The following CAMKMT variants were observed in gnomAD, a reference collection of about 807,000 sequenced individuals.
The protein encoded by CAMKMT is CaM KMT.
CAMKMT carries 53 observed loss-of-function variants against 48.0 expected under a neutral mutation model. The ratio of observed to expected loss-of-function variants is 1.10; its 90% confidence interval spans 0.89 to 1.39. The LOEUF (loss-of-function observed/expected upper bound fraction) is 1.39. CAMKMT is among the 40% of genes most tolerant of loss of function. CAMKMT has a pLI of 0.00. For missense variants in CAMKMT, 428 were observed against 402.7 expected (o/e 1.06, Z -0.54); for synonymous variants, 165 against 152.3 (o/e 1.08, Z -0.61).
At chr2:44,487,876 G>T (rs1372585427) in intron 3 of CAMKMT, among the ~76,000 whole-genome samples, 8 of 152,244 alleles carry the variant, frequency 5.3e-5, no homozygotes, top group Non-Finnish European at 1.2e-4. Flanking sequence ...AAGTAATTCT[G>T]CTTCAAGCAG....
chr2:44,732,409 G>C (rs1164584866), intron 7 of CAMKMT, among the ~76,000 whole-genome samples: 2 of 152,188 alleles, frequency 1.3e-5, no homozygotes, highest in Non-Finnish European at 2.9e-5. Context: ...ATTTTACTTT[G>C]GTGTCAGTGT....
chr2:44,574,038 G>C (rs1244015288), intron 3 of CAMKMT, among the ~76,000 whole-genome samples: 1 of 152,132 alleles, frequency 6.6e-6, no homozygotes, highest in Admixed American at 6.5e-5. Context: ...ATGAACGTTT[G>C]AATCTACATA....
intron 3 of CAMKMT, among the ~76,000 whole-genome samples, chr2:44,570,104 C>A (rs912449812): frequency 1.3e-5 from 2 of 152,036 alleles, no homozygotes; most frequent in Non-Finnish European, 2.9e-5. Context: ...ATGTATTTAA[C>A]AGAAAATATC....
chr2:44,736,083 A>G (rs1336375266), intron 7 of CAMKMT, among the ~76,000 whole-genome samples: 3 of 152,208 alleles, frequency 2.0e-5, no homozygotes, highest in Non-Finnish European at 2.9e-5. Context: ...AATAAGAAAC[A>G]GTCATATATA....
intron 3 of CAMKMT, among the ~76,000 whole-genome samples, chr2:44,475,254 A>C (rs1238434870): frequency 6.6e-6 from 1 of 152,194 alleles, no homozygotes; most frequent in African/African-American, 2.4e-5. Context: ...GTTCTGAATA[A>C]AGGAATATAG....
At chr2:44,489,219 A>G (rs768708404) in intron 3 of CAMKMT, among the ~76,000 whole-genome samples, 45 of 146,292 alleles carry the variant, frequency 3.1e-4, no homozygotes, top group Non-Finnish European at 4.5e-4. Flanking sequence ...AATGGTTTTC[A>G]TATTTATTTG....
intron 3 of CAMKMT, among the ~76,000 whole-genome samples, chr2:44,493,126 A>T (rs1008007737): frequency 5.9e-5 from 9 of 151,722 alleles, no homozygotes; most frequent in Admixed American, 1.3e-4. Flanking sequence ...CGAGCTCCTG[A>T]CCTCGTGATC....
intron 2 of CAMKMT, among the ~76,000 whole-genome samples, chr2:44,379,004 A>C (rs1679976221): frequency 1.3e-5 from 2 of 152,208 alleles, no homozygotes; most frequent in African/African-American, 4.8e-5. Flanking sequence ...TACAGCCTTC[A>C]CCACTATTCC....
intron 9 of CAMKMT, among the ~76,000 whole-genome samples, chr2:44,757,333 G>T (rs1397278497): frequency 6.6e-6 from 1 of 152,192 alleles, no homozygotes; most frequent in Non-Finnish European, 1.5e-5. Context: ...AGTTCTATCA[G>T]CTCTGAAATC....
chr2:44,566,456 G>A (rs879762614), intron 3 of CAMKMT, among the ~76,000 whole-genome samples: 6 of 152,084 alleles, frequency 3.9e-5, no homozygotes, highest in Non-Finnish European at 7.4e-5. Flanking sequence ...TTAGTCCTTT[G>A]GGGCAGAATT....
chr2:44,587,513 C>T (rs982111429), intron 3 of CAMKMT, among the ~76,000 whole-genome samples: 3 of 145,956 alleles, frequency 2.1e-5, no homozygotes, highest in African/African-American at 7.6e-5. Flanking sequence ...CCACGGTCTC[C>T]CTCTGATGCC....
At chr2:44,383,211 C>A (rs1680433449) in intron 2 of CAMKMT, among the ~76,000 whole-genome samples, 1 of 152,074 alleles carries the variant, frequency 6.6e-6, no homozygotes, top group African/African-American at 2.4e-5. Flanking sequence ...GTCACCCAGG[C>A]TGGAGTGCAG....
At chr2:44,630,454 C>A (rs1413653011) in intron 3 of CAMKMT, among the ~76,000 whole-genome samples, 2 of 148,662 alleles carry the variant, frequency 1.3e-5, no homozygotes, top group East Asian at 3.9e-4. Context: ...TCAGAGTGAA[C>A]AGGCAACCCA....
intron 3 of CAMKMT, among the ~76,000 whole-genome samples, chr2:44,523,377 C>G (rs549917129): frequency 2.0e-5 from 3 of 150,610 alleles, no homozygotes; most frequent in South Asian, 4.2e-4. Context: ...ACTGCAATCT[C>G]TGCCTCCCAG....
intron 3 of CAMKMT, among the ~76,000 whole-genome samples, chr2:44,552,967 G>T (rs1247334780): frequency 2.6e-5 from 4 of 152,174 alleles, no homozygotes; most frequent in Non-Finnish European, 4.4e-5. Flanking sequence ...TAATTGGAAA[G>T]AAACTAAGAG....
intron 2 of CAMKMT, among the ~76,000 whole-genome samples, chr2:44,373,638 G>C (rs1235186235): frequency 6.6e-6 from 1 of 152,140 alleles, no homozygotes; most frequent in African/African-American, 2.4e-5. Context: ...ATAAGGTTTA[G>C]GTGAGGCTAG....
chr2:44,492,889 C>CTTTTTT (rs11400501), intron 3 of CAMKMT, among the ~76,000 whole-genome samples: 7 of 142,858 alleles, frequency 4.9e-5, no homozygotes, highest in Non-Finnish European at 9.1e-5. Flanking sequence ...CATATTGTAT[C>CTTTTTT]TTTTTTTTTT....
rs1415202853 is a variant in CAMKMT at position 44,673,469 on chromosome 2, GAGAGGA to G, written c.377-30811_377-30806del. 2.4e-5 allele frequency among the ~76,000 whole-genome samples: 3 copies of G among 126,594 alleles called. No homozygotes were observed. The East Asian group carries it at 6.9e-4, about 29-fold the overall frequency. The allele number at this position is 126,594 out of a possible 152,430, so 83.1% of individuals were successfully genotyped here. A position where few individuals can be genotyped will look rare whatever the true frequency, so the allele number is the denominator to read the frequency against. ...AGAGAGAGAAAGAGAAAGAAAGAGA[GAGAGGA>G]AGGAAGGAAGGAAGGAAGGAAGGAA... On this transcript the variant is annotated intron_variant, in intron 3 of 10. Coordinates refer to ENST00000378494, the MANE Select transcript of CAMKMT (RefSeq NM_024766.5).
chr2:44,401,069 T>C (rs1184360579), intron 3 of CAMKMT: 1 of 151,812 alleles, frequency 6.6e-6, no homozygotes, highest in African/African-American at 2.4e-5. Flanking sequence ...GTTCCTATTA[T>C]GTGCTGTCCT....
Sources: gnomAD v4.1 joint callset for allele counts (sites outside exome capture counted in the v4.1 genomes callset) on GRCh38, gnomAD v4.1.1 for gene constraint, MANE v1.5 for transcripts, NCBI Gene and HGNC (gene_info 2026-07-23, HGNC 2026-07-21) for gene names.